The following SNTG2 variants were observed in gnomAD, a reference collection of about 807,000 sequenced individuals.
SNTG2 encodes the protein gamma-2-syntrophin.
Under a neutral mutation model 70.9 loss-of-function variants are expected in SNTG2, and 74 were observed. The observed-to-expected ratio is 1.04, with a 90% confidence interval of 0.86 to 1.27. The LOEUF is 1.27. Among genes scored for constraint, SNTG2 ranks in the 50% most tolerant of loss-of-function variants. SNTG2 has a pLI of 0.00. For synonymous variants in SNTG2, 278 were observed against 273.8 expected (o/e 1.02, Z -0.15); for missense variants, 717 against 690.7 (o/e 1.04, Z -0.43).
chr2:1,087,105 G>A (rs753597953), intron 2 of SNTG2, among the ~76,000 whole-genome samples: 1 of 152,148 alleles, frequency 6.6e-6, no homozygotes, highest in Non-Finnish European at 1.5e-5. Context: ...AGGAGGCAGG[G>A]CTGACAAGTC....
chr2:1,067,605 G>T (rs1251850233), intron 1 of SNTG2, among the ~76,000 whole-genome samples: 1 of 152,110 alleles, frequency 6.6e-6, no homozygotes, highest in Non-Finnish European at 1.5e-5. Context: ...TGAAGTTTGG[G>T]CTCAAAGAGA....
intron 1 of SNTG2, among the ~76,000 whole-genome samples, chr2:997,514 T>C (rs189953422): frequency 6.6e-6 from 1 of 152,228 alleles, no homozygotes; most frequent in Non-Finnish European, 1.5e-5. Flanking sequence ...TGATCTTCAT[T>C]AAAGACTTCA....
At chr2:1,284,603 G>T (rs1000346836) in intron 14 of SNTG2, among the ~76,000 whole-genome samples, 1 of 152,048 alleles carries the variant, frequency 6.6e-6, no homozygotes, top group Non-Finnish European at 1.5e-5. Flanking sequence ...GTTTGCATAT[G>T]GGGCCCTAAA....
chr2:996,572 A>G (rs1661686304), intron 1 of SNTG2, among the ~76,000 whole-genome samples: 1 of 151,880 alleles, frequency 6.6e-6, no homozygotes, highest in African/African-American at 2.4e-5. Context: ...AGACATACAC[A>G]TATGTGTATC....
At chr2:1,239,578 T>C (rs187090684) in intron 10 of SNTG2, among the ~76,000 whole-genome samples, 160 bp from the exon 11 acceptor site, 70 of 152,346 alleles carry the variant, frequency 4.6e-4, no homozygotes, top group African/African-American at 1.6e-3. Flanking sequence ...ACTGCTGCCA[T>C]GTTTGTATTG....
At chr2:1,166,633 G>A (rs529096907) in intron 7 of SNTG2, among the ~76,000 whole-genome samples, 27 of 152,276 alleles carry the variant, frequency 1.8e-4, no homozygotes, top group African/African-American at 6.0e-4. Context: ...GGAGAAGGGC[G>A]GGTCCCTGGC....
chr2:1,358,257 A>T (rs759372839), intron 16 of SNTG2, among the ~76,000 whole-genome samples: 1 of 152,154 alleles, frequency 6.6e-6, no homozygotes, highest in Non-Finnish European at 1.5e-5. Context: ...TGAACAAAAC[A>T]TTCAGTCCGT....
intron 4 of SNTG2, among the ~76,000 whole-genome samples, chr2:1,099,232 C>T (rs760492479): frequency 2.6e-5 from 4 of 152,050 alleles, no homozygotes; most frequent in Non-Finnish European, 4.4e-5. Context: ...CGGTCCGTGT[C>T]GGGGGGTGGG....
At chr2:1,007,337 C>T (rs1055520265) in intron 1 of SNTG2, among the ~76,000 whole-genome samples, 2 of 152,140 alleles carry the variant, frequency 1.3e-5, no homozygotes, top group East Asian at 3.9e-4. Context: ...GTTACCTCAT[C>T]GGTGGAGACA....
At chr2:990,133 T>G (rs190404488) in intron 1 of SNTG2, among the ~76,000 whole-genome samples, 2 of 152,374 alleles carry the variant, frequency 1.3e-5, no homozygotes, top group Non-Finnish European at 2.9e-5. Context: ...CATCTTTTCC[T>G]TCTATTCTTT....
rs1674083804 is a variant in SNTG2 at position 1,212,094 on chromosome 2, C to A, written c.719+2864C>A. Among the ~76,000 whole-genome samples, 3 of 152,152 alleles carry A rather than the reference C, an allele frequency of 2.0e-5. No individual in the cohort carries two copies. The South Asian group carries it at 6.2e-4, about 32-fold the overall frequency. On this transcript the variant is annotated intron_variant, in intron 9 of 16. Transcript: ENST00000308624. Reference sequence around the variant, plus strand: ...TTTGGTTTGGATCTGTGTCCCCACCCAAACCTCATGTGGAAATGTATTCCC... The same window carrying A: ...TTTGGTTTGGATCTGTGTCCCCACCAAAACCTCATGTGGAAATGTATTCCC...
At chr2:1,166,580 G>A (rs1465789352) in intron 7 of SNTG2, among the ~76,000 whole-genome samples, 1 of 152,168 alleles carries the variant, frequency 6.6e-6, no homozygotes, top group Non-Finnish European at 1.5e-5. Flanking sequence ...ATCATGCATT[G>A]GGTTTTTCAC....
At chr2:1,357,360 C>T (rs11211667) in intron 16 of SNTG2, among the ~76,000 whole-genome samples, 109,279 of 151,584 alleles carry the variant, frequency 0.72, 39,667 homozygotes, top group East Asian at 0.94. Flanking sequence ...TGAAAGACTG[C>T]TGAGTTTTGT....
intron 8 of SNTG2, among the ~76,000 whole-genome samples, chr2:1,198,682 A>G (rs77882885): frequency 3.6e-3 from 549 of 152,228 alleles, no homozygotes; most frequent in Admixed American, 7.8e-3. Flanking sequence ...CCAAATAAAT[A>G]AAATTAGAAA....
At chr2:1,037,752 TTTG>T (rs1661212213) in intron 1 of SNTG2, among the ~76,000 whole-genome samples, 1 of 152,242 alleles carries the variant, frequency 6.6e-6, no homozygotes. Flanking sequence ...GGGGTTCATT[TTTG>T]TTGTTTGCAT....
At chr2:1,116,760 C>G (rs559589851) in intron 4 of SNTG2, among the ~76,000 whole-genome samples, 642 of 27,162 alleles carry the variant, frequency 0.024, no homozygotes, top group Middle Eastern at 0.036. Context: ...CGTGGTGTGT[C>G]AGTGCCCTGG....
At chr2:1,163,918 G>T (rs1233404520) in intron 6 of SNTG2, among the ~76,000 whole-genome samples, 5 of 152,188 alleles carry the variant, frequency 3.3e-5, no homozygotes, top group Non-Finnish European at 1.5e-5. Flanking sequence ...TTGGATCTCA[G>T]GCCATGGGAA....
intron 1 of SNTG2, among the ~76,000 whole-genome samples, chr2:1,065,589 A>T (rs532075439): frequency 1.2e-4 from 18 of 152,208 alleles, no homozygotes; most frequent in African/African-American, 4.3e-4. Flanking sequence ...AAATATTCAA[A>T]TTATTTTCAA....
At chr2:1,225,485 G>A (rs534019500) in intron 9 of SNTG2, among the ~76,000 whole-genome samples, 6 of 152,302 alleles carry the variant, frequency 3.9e-5, no homozygotes, top group Non-Finnish European at 8.8e-5. Flanking sequence ...CCGCAGAAAA[G>A]CAGTGCCAGG....
Sources: allele counts gnomAD v4.1 joint callset (sites outside exome capture counted in the v4.1 genomes callset), GRCh38; gene constraint gnomAD v4.1.1; transcripts MANE v1.5; gene names NCBI Gene and HGNC (gene_info 2026-07-23, HGNC 2026-07-21).